Variants in ZFAND3 observed in about 807,000 individuals in gnomAD.
The protein encoded by ZFAND3 is AN1-type zinc finger protein 3.
Under a neutral mutation model 29.6 loss-of-function variants are expected in ZFAND3, and 10 were observed. That is an observed-to-expected ratio of 0.34 (90% CI 0.21 to 0.57). The LOEUF (loss-of-function observed/expected upper bound fraction) is 0.57, where lower values mean the gene tolerates loss of function less well. Among genes scored for constraint, ZFAND3 ranks in the 20% least tolerant of loss-of-function variants. The pLI, the probability that ZFAND3 is intolerant of heterozygous loss-of-function variation, is 0.86. For synonymous variants in ZFAND3, 128 were observed against 112.6 expected, an observed-to-expected ratio of 1.14 and a Z score of -0.87; for missense variants, 230 against 304.5, an observed-to-expected ratio of 0.76 and a Z score of 1.82.
At chr6:38,108,448 A>G (rs914406704) in intron 4 of ZFAND3, among the ~76,000 whole-genome samples, 2 of 152,174 alleles carry the variant, frequency 1.3e-5, no homozygotes, top group African/African-American at 4.8e-5. Flanking sequence ...CCCCCAAACA[A>G]AGGAAGCTGA....
chr6:37,979,285 T>C (rs1216490125), intron 2 of ZFAND3, among the ~76,000 whole-genome samples: 1 of 152,260 alleles, frequency 6.6e-6, no homozygotes, highest in Non-Finnish European at 1.5e-5. Flanking sequence ...AGTTCTGAGT[T>C]GGTTGTGATT....
At chr6:38,052,293 A>G (rs1487437638) in intron 2 of ZFAND3, among the ~76,000 whole-genome samples, 2 of 152,226 alleles carry the variant, frequency 1.3e-5, no homozygotes, top group Non-Finnish European at 2.9e-5. Flanking sequence ...CCAGTTATCC[A>G]TGATGAATAA....
chr6:37,972,037 G>A (rs577557307), intron 2 of ZFAND3, among the ~76,000 whole-genome samples: 16 of 150,970 alleles, frequency 1.1e-4, no homozygotes, highest in Middle Eastern at 3.5e-3. Context: ...GGTTGCATAG[G>A]AGGGAAAGAA....
At chr6:37,918,929 G>A (rs1761318168) in intron 1 of ZFAND3, among the ~76,000 whole-genome samples, 1 of 129,746 alleles carries the variant, frequency 7.7e-6, no homozygotes, top group Admixed American at 7.7e-5. Context: ...TTTTCTGTGT[G>A]TTTTCAAAAC....
chr6:37,848,416 A>ATTTTCT, intron 1 of ZFAND3, among the ~76,000 whole-genome samples: 1 of 152,244 alleles, frequency 6.6e-6, no homozygotes. Flanking sequence ...TGTCAACACC[A>ATTTTCT]GGGAATTCTG....
chr6:37,842,355 A>AT (rs1438711066), intron 1 of ZFAND3, among the ~76,000 whole-genome samples: 1 of 151,730 alleles, frequency 6.6e-6, no homozygotes, highest in African/African-American at 2.4e-5. Context: ...CATGGTCCTG[A>AT]TTTTTTTCCC....
chr6:37,929,257 A>T (rs16890270), intron 1 of ZFAND3, among the ~76,000 whole-genome samples: 25,953 of 152,120 alleles, frequency 0.17, 2,445 homozygotes, highest in East Asian at 0.33. Flanking sequence ...TGATTTTTTT[A>T]AAAGTGCGTT....
chr6:37,991,086 C>A (rs1762750934), intron 2 of ZFAND3, among the ~76,000 whole-genome samples: 2 of 152,114 alleles, frequency 1.3e-5, no homozygotes, highest in Admixed American at 1.3e-4. Flanking sequence ...TTTTTAAGTT[C>A]TGTGGGTTTG....
intron 2 of ZFAND3, among the ~76,000 whole-genome samples, chr6:37,932,534 G>T (rs1761617745): frequency 6.6e-6 from 1 of 152,158 alleles, no homozygotes; most frequent in Non-Finnish European, 1.5e-5. Context: ...ACCTGTATTA[G>T]ATTATATATT....
chr6:38,151,641 T>C (rs549838603), intron 5 of ZFAND3, among the ~76,000 whole-genome samples: 6 of 152,342 alleles, frequency 3.9e-5, no homozygotes, highest in African/African-American at 1.4e-4. Context: ...GAGATGGCGA[T>C]TGGAGCCCAG....
chr6:37,928,898 T>A (rs987758765), intron 1 of ZFAND3, among the ~76,000 whole-genome samples: 17 of 152,280 alleles, frequency 1.1e-4, no homozygotes, highest in Non-Finnish European at 1.6e-4. Context: ...CAAAGGATGT[T>A]GGGTTGGCCT....
intron 1 of ZFAND3, among the ~76,000 whole-genome samples, chr6:37,901,769 T>C (rs1441701461): frequency 6.6e-6 from 1 of 152,232 alleles, no homozygotes; most frequent in South Asian, 2.1e-4. Context: ...GATACTCACT[T>C]CCATGTTCTG....
At chr6:37,985,835 G>A (rs1225179448) in intron 2 of ZFAND3, among the ~76,000 whole-genome samples, 2 of 152,232 alleles carry the variant, frequency 1.3e-5, no homozygotes, top group East Asian at 3.8e-4. Flanking sequence ...AGAGGCAGAT[G>A]TTTGTCAAAT....
intron 4 of ZFAND3, among the ~76,000 whole-genome samples, chr6:38,111,848 G>T (rs997662139): frequency 1.3e-5 from 2 of 152,122 alleles, no homozygotes; most frequent in South Asian, 4.1e-4. Context: ...ACCCCATGTT[G>T]TTCAAGGGTC....
At position 37,876,710 on chromosome 6, in the gene ZFAND3, G is replaced by A. The variant is rs1427758379; in HGVS notation, c.72-53249G>A. Among the ~76,000 whole-genome samples the A allele has an allele frequency of 2.6e-5, 4 of 152,078 alleles. No homozygotes were observed. In the South Asian group the frequency reaches 6.2e-4, roughly 24 times the overall value. On this transcript the variant is annotated intron_variant, in intron 1 of 5. Coordinates refer to ENST00000287218, the MANE Select transcript of ZFAND3 (RefSeq NM_021943.3). ...TGTCTTAGTCTGTTTGAAAGGCAGG[G>A]GACATTTTGGAGTGTGGTTGAAAGA...
At chr6:37,992,820 G>GT (rs988744388) in intron 2 of ZFAND3, among the ~76,000 whole-genome samples, 12 of 150,728 alleles carry the variant, frequency 8.0e-5, no homozygotes, top group East Asian at 5.8e-4. Flanking sequence ...ATTTTGGTTT[G>GT]TTTTTTTGTT....
chr6:38,041,221 G>A (rs527907989), intron 2 of ZFAND3, among the ~76,000 whole-genome samples: 1 of 152,314 alleles, frequency 6.6e-6, no homozygotes, highest in Admixed American at 6.5e-5. Flanking sequence ...GTATCAGGAA[G>A]CATGTGATTA....
At chr6:38,018,494 C>G (rs1216954207) in intron 2 of ZFAND3, among the ~76,000 whole-genome samples, 2 of 152,106 alleles carry the variant, frequency 1.3e-5, no homozygotes, top group African/African-American at 4.8e-5. Context: ...AGGGTATACG[C>G]TAAATCTCCC....
At chr6:38,062,979 C>G (rs191087703) in intron 3 of ZFAND3, among the ~76,000 whole-genome samples, 1 of 151,268 alleles carries the variant, frequency 6.6e-6, no homozygotes, top group African/African-American at 2.4e-5. Context: ...GTCCCAGCTA[C>G]TTGGGAAGCT....
Sources: allele counts gnomAD v4.1 joint callset (sites outside exome capture counted in the v4.1 genomes callset), GRCh38; gene constraint gnomAD v4.1.1; transcripts MANE v1.5; gene names NCBI Gene and HGNC (gene_info 2026-07-23, HGNC 2026-07-21).